The following CALN1 variants were observed in gnomAD, a reference collection of about 807,000 sequenced individuals.
CALN1 encodes calcium-binding protein 8.
CALN1 carries 17 observed loss-of-function variants against 30.6 expected under a neutral mutation model. The observed-to-expected ratio is 0.56, with a 90% confidence interval of 0.38 to 0.83. CALN1 has a LOEUF of 0.83. Among genes scored for constraint, CALN1 ranks in the 40% least tolerant of loss-of-function variants. CALN1 has a pLI of 0.00. For synonymous variants in CALN1, 156 were observed against 131.4 expected (o/e 1.19, Z -1.28); for missense variants, 291 against 354.9 (o/e 0.82, Z 1.45).
intron 4 of CALN1, among the ~76,000 whole-genome samples, chr7:72,075,507 T>C (rs1262480426): frequency 2.6e-5 from 4 of 152,218 alleles, no homozygotes; most frequent in African/African-American, 7.2e-5. Flanking sequence ...TGTCTACCGG[T>C]TGAACCTGTG....
the CALN1 span, among the ~76,000 whole-genome samples, chr7:72,474,399 GCAGGGAC>G: frequency 6.6e-6 from 1 of 152,110 alleles, no homozygotes; most frequent in East Asian, 1.9e-4. Flanking sequence ...TTAAAATCCT[GCAGGGAC>G]CAGGTGCAGA....
chr7:72,101,528 T>C (rs868143020), intron 4 of CALN1, among the ~76,000 whole-genome samples: 21 of 152,254 alleles, frequency 1.4e-4, no homozygotes, highest in Middle Eastern at 3.4e-3. Flanking sequence ...GAGAACAAGC[T>C]GAGAACCGCT....
At position 71,890,326 on chromosome 7, in the gene CALN1, G is replaced by A. The variant is rs546461490; in HGVS notation, c.502-79834C>T. On this transcript the variant is annotated intron_variant, in intron 5 of 6. Coordinates refer to ENST00000395275, the MANE Select transcript of CALN1 (RefSeq NM_031468.4). The stretch of plus-strand genomic sequence containing the variant: ...GGGCACATCAGCCATGACAAATGGT[G>A]CCTTGGAAGTTGCTATGCTCTGGAG... 3.8e-4 allele frequency among the ~76,000 whole-genome samples: 58 copies of A among 152,264 alleles called. 1 individual carries two copies. The South Asian group carries it at 9.3e-3, about 24-fold the overall frequency.
chr7:71,836,775 G>A lies in CALN1; in HGVS notation c.502-26283C>T, dbSNP rs547516179. On this transcript the variant is annotated intron_variant, in intron 5 of 6. Transcript: ENST00000395275. ...TGGGCTTACAGGCACCCAACACCACGTCCAGCTAATTTTTGTATTTTTAGT... is the reference window on the plus strand; with the variant it reads ...TGGGCTTACAGGCACCCAACACCACATCCAGCTAATTTTTGTATTTTTAGT... 1.2e-3 allele frequency among the ~76,000 whole-genome samples: 182 copies of A among 151,578 alleles called. 1 individual carries two copies. The highest frequency in any genetic ancestry group is 2.1e-3 in the Non-Finnish European group (144 of 67,884).
intron 3 of CALN1, among the ~76,000 whole-genome samples, chr7:72,164,478 C>G (rs1788374647): frequency 6.6e-6 from 1 of 152,022 alleles, no homozygotes; most frequent in African/African-American, 2.4e-5. Flanking sequence ...CTGAAAACCA[C>G]TAGAAGACAG....
chr7:72,412,126 C>T lies in CALN1; in HGVS notation c.-142G>A, dbSNP rs547400937. 2 of 152,582 alleles carry T rather than the reference C, an allele frequency of 1.3e-5. No homozygotes were observed. The highest frequency in any genetic ancestry group is 4.8e-5 in the African/African-American group (2 of 41,392). The allele number at this position is 152,582 out of a possible 1,614,324, so 9.5% of individuals were successfully genotyped here. A position where few individuals can be genotyped will look rare whatever the true frequency, so the allele number is the denominator to read the frequency against. On this transcript the variant is annotated 5_prime_UTR_variant, in exon 1 of 7. Transcript: ENST00000395275. ...CGACTTTAAGAATAAAACCACGGAC[C>T]TCGCGGTGAGTGTTACAGCTCTTAA...
At chr7:72,015,908 T>C (rs990745968) in intron 5 of CALN1, among the ~76,000 whole-genome samples, 1 of 152,126 alleles carries the variant, frequency 6.6e-6, no homozygotes, top group Admixed American at 6.5e-5. Context: ...CAGGCCTTGA[T>C]ATAGACATCA....
At chr7:72,058,686 G>A (rs1803443628) in intron 4 of CALN1, among the ~76,000 whole-genome samples, 1 of 152,122 alleles carries the variant, frequency 6.6e-6, no homozygotes. Context: ...GGCCAAGGGG[G>A]CAGGACTTTG....
At chr7:71,863,873 C>T (rs1235661246) in intron 5 of CALN1, among the ~76,000 whole-genome samples, 1 of 152,088 alleles carries the variant, frequency 6.6e-6, no homozygotes, top group East Asian at 1.9e-4. Context: ...CTTTTTTGAG[C>T]TCCACGCATG....
chr7:72,367,241 C>A (rs771456803), intron 2 of CALN1, among the ~76,000 whole-genome samples: 1 of 152,142 alleles, frequency 6.6e-6, no homozygotes, highest in Non-Finnish European at 1.5e-5. Context: ...AATCCAAACA[C>A]TTTGGGAGGC....
intron 2 of CALN1, among the ~76,000 whole-genome samples, chr7:72,283,175 T>C (rs1468136165): frequency 2.0e-5 from 3 of 152,104 alleles, no homozygotes; most frequent in East Asian, 3.9e-4. Context: ...CTGTCTCCTC[T>C]TCTGTAAAAT....
At chr7:71,958,065 C>CAAAAAAAAAAAAAAA (rs56355838) in intron 5 of CALN1, among the ~76,000 whole-genome samples, 4 of 93,874 alleles carry the variant, frequency 4.3e-5, no homozygotes, top group Admixed American at 1.3e-4. Flanking sequence ...AACTCCATCT[C>CAAAAAAAAAAAAAAA]AAAAAAAAAA....
Position 72,058,959 on chromosome 7 carries a change from T to C in CALN1, c.389-35190A>G, listed in dbSNP as rs1453571473. 5.3e-5 allele frequency among the ~76,000 whole-genome samples: 8 copies of C among 152,330 alleles called. No individual in the cohort carries two copies. In the East Asian group the frequency reaches 1.3e-3, roughly 26 times the overall value. On this transcript the variant is annotated intron_variant, in intron 4 of 6. Coordinates refer to ENST00000395275, the MANE Select transcript of CALN1 (RefSeq NM_031468.4). ...ATCATTTTGACATGTTTCCGTTTCG[T>C]TGAAGATTCAAGGTTTTAAACTTGG...
At chr7:72,336,730 C>T (rs944093393) in intron 2 of CALN1, 3 of 985,260 alleles carry the variant, frequency 3.0e-6, no homozygotes, top group African/African-American at 3.5e-5. Context: ...GCTCCGCAGC[C>T]CGGCAGCCGA....
chr7:72,278,045 A>G (rs535357655), intron 3 of CALN1, among the ~76,000 whole-genome samples: 113 of 123,826 alleles, frequency 9.1e-4, no homozygotes, highest in Admixed American at 1.6e-3. Flanking sequence ...TTTTAATTAG[A>G]GGATTGGTTT....
At chr7:71,897,119 C>G (rs1380218423) in intron 5 of CALN1, among the ~76,000 whole-genome samples, 1 of 152,090 alleles carries the variant, frequency 6.6e-6, no homozygotes, top group Non-Finnish European at 1.5e-5. Context: ...GTTCATCCAC[C>G]AACACAAGAG....
chr7:72,298,825 A>T (rs897265431), intron 2 of CALN1, among the ~76,000 whole-genome samples: 2 of 146,708 alleles, frequency 1.4e-5, no homozygotes, highest in East Asian at 4.0e-4. Flanking sequence ...AAAAGAGGGG[A>T]GGGGTGCGGA....
At chr7:72,348,026 G>T (rs1802734997) in intron 2 of CALN1, among the ~76,000 whole-genome samples, 1 of 152,090 alleles carries the variant, frequency 6.6e-6, no homozygotes, top group Non-Finnish European at 1.5e-5. Flanking sequence ...AGCTACTTGG[G>T]AGGCTGAGGC....
At chr7:72,207,465 A>G (rs1335636044) in intron 3 of CALN1, among the ~76,000 whole-genome samples, 1 of 150,658 alleles carries the variant, frequency 6.6e-6, no homozygotes, top group Non-Finnish European at 1.5e-5. Context: ...CAGTTTGTTT[A>G]TTTAGTAGTA....
Sources: gnomAD v4.1 joint callset for allele counts (sites outside exome capture counted in the v4.1 genomes callset) on GRCh38, gnomAD v4.1.1 for gene constraint, MANE v1.5 for transcripts, NCBI Gene and HGNC (gene_info 2026-07-23, HGNC 2026-07-21) for gene names.